Variants in KAT7 observed in about 807,000 individuals in gnomAD.
KAT7 encodes the protein histone acetyltransferase KAT7.
Under a neutral mutation model 82.1 loss-of-function variants are expected in KAT7, and 10 were observed. That is an observed-to-expected ratio of 0.12 (90% CI 0.08 to 0.21). The LOEUF (loss-of-function observed/expected upper bound fraction) is 0.21, where lower values mean the gene tolerates loss of function less well. Among genes scored for constraint, KAT7 ranks in the 10% least tolerant of loss-of-function variants. KAT7 has a pLI of 1.00. For missense variants in KAT7, 378 were observed against 760.9 expected (o/e 0.50, Z 5.92); for synonymous variants, 250 against 262.5 (o/e 0.95, Z 0.46).
chr17:49,825,385 T>A (rs1291630872), intron 12 of KAT7, among the ~76,000 whole-genome samples: 1 of 152,176 alleles, frequency 6.6e-6, no homozygotes, highest in East Asian at 1.9e-4. Context: ...GTTTCTCATC[T>A]CCCTTGTTTC....
intron 1 of KAT7, among the ~76,000 whole-genome samples, chr17:49,790,932 G>A (rs187735711): frequency 3.9e-5 from 6 of 152,252 alleles, no homozygotes; most frequent in Admixed American, 3.9e-4. Context: ...GTGCTTAATT[G>A]ATAAAAGTTA....
intron 6 of KAT7, among the ~76,000 whole-genome samples, chr17:49,810,777 T>A (rs1016889814): frequency 6.6e-6 from 1 of 152,120 alleles, no homozygotes; most frequent in African/African-American, 2.4e-5. Flanking sequence ...GAACCTATAT[T>A]TAACTGGCAG....
chr17:49,794,137 A>G (rs531304969), intron 2 of KAT7, among the ~76,000 whole-genome samples: 2 of 152,356 alleles, frequency 1.3e-5, no homozygotes, highest in South Asian at 2.1e-4. Context: ...CCTGTCCTCA[A>G]AGATCTTACA....
intron 4 of KAT7, among the ~76,000 whole-genome samples, chr17:49,803,886 ATG>A (rs2074057084): frequency 6.7e-6 from 1 of 149,912 alleles, no homozygotes. Flanking sequence ...CCCAAATTAA[ATG>A]TCTTTTTTTT....
chr17:49,807,737 A>T (rs774026493), intron 5 of KAT7, among the ~76,000 whole-genome samples: 1 of 152,176 alleles, frequency 6.6e-6, no homozygotes, highest in Non-Finnish European at 1.5e-5. Context: ...CTAGCTTTGT[A>T]TCGGCAGCAA....
At chr17:49,805,893 A>G (rs557663386) in intron 5 of KAT7, among the ~76,000 whole-genome samples, 1 of 152,318 alleles carries the variant, frequency 6.6e-6, no homozygotes, top group South Asian at 2.1e-4. Flanking sequence ...TTTCTGTGAA[A>G]TACTTTTTGT....
Position 49,806,065 on chromosome 17 carries a change from A to T in KAT7, c.663+620A>T, listed in dbSNP as rs553386235. ...GCTGTTCCCAAGGATGGAACCGAAG[A>T]TCTAATTATGGGGAAGCAAGAGTGG... On this transcript the variant is annotated intron_variant, in intron 5 of 14. Coordinates refer to ENST00000259021, the MANE Select transcript of KAT7 (RefSeq NM_007067.5). 3.3e-5 allele frequency among the ~76,000 whole-genome samples: 5 copies of T among 152,330 alleles called. No individual in the cohort carries two copies. The East Asian group carries it at 7.7e-4, about 23-fold the overall frequency.
intron 12 of KAT7, among the ~76,000 whole-genome samples, chr17:49,824,137 G>A (rs2074339101): frequency 6.6e-6 from 1 of 152,172 alleles, no homozygotes; most frequent in Non-Finnish European, 1.5e-5. Flanking sequence ...TGACCAATAT[G>A]TGACCAGAGG....
intron 7 of KAT7, among the ~76,000 whole-genome samples, chr17:49,813,940 A>G (rs1215467492): frequency 6.6e-6 from 1 of 151,292 alleles, no homozygotes; most frequent in South Asian, 2.1e-4. Context: ...GGAGTGCAGC[A>G]GTGGTGCAAT....
At chr17:49,808,188 C>G (rs889021828) in intron 5 of KAT7, among the ~76,000 whole-genome samples, 3 of 138,760 alleles carry the variant, frequency 2.2e-5, no homozygotes, top group Non-Finnish European at 3.0e-5. Context: ...TTGGTGCAAT[C>G]TCAGCTCACT....
chr17:49,790,377 A>G (rs1439085534), intron 1 of KAT7, among the ~76,000 whole-genome samples: 2 of 152,176 alleles, frequency 1.3e-5, no homozygotes, highest in South Asian at 2.1e-4. Context: ...TTGTATGTTT[A>G]ATAGAGACGG....
chr17:49,820,499 A>G (rs1210538485), intron 9 of KAT7, among the ~76,000 whole-genome samples: 1 of 152,018 alleles, frequency 6.6e-6, no homozygotes, highest in African/African-American at 2.4e-5. Flanking sequence ...GGCTGCTGTC[A>G]AACTCCTGAC....
Position 49,827,518 on chromosome 17 carries a change from C to T in KAT7, c.*16C>T, listed in dbSNP as rs758612934. ...GGGCACTTAAAGTGACCTGTCATTC[C>T]GAGCCAGCGAACCCCAGCAGTAGGA... On this transcript the variant is annotated 3_prime_UTR_variant, in exon 15 of 15. Transcript: ENST00000259021. The T allele has an allele frequency of 1.0e-5, 15 of 1,464,384 alleles. No homozygotes were observed. The highest frequency in any genetic ancestry group is 3.4e-5 in the South Asian group (3 of 87,910). 90.7% of individuals were successfully genotyped at this position (1,464,384 alleles called of 1,614,324 possible). A position where few individuals can be genotyped will look rare whatever the true frequency, so the allele number is the denominator to read the frequency against.
intron 7 of KAT7, among the ~76,000 whole-genome samples, chr17:49,812,669 G>A (rs1296020096): frequency 6.6e-6 from 1 of 152,040 alleles, no homozygotes; most frequent in African/African-American, 2.4e-5. Context: ...ACATTTTGAT[G>A]TGTGTTCTTT....
At chr17:49,811,317 G>C (rs1388882981) in intron 6 of KAT7, among the ~76,000 whole-genome samples, 159 bp from the exon 7 acceptor site, 1 of 152,002 alleles carries the variant, frequency 6.6e-6, no homozygotes, top group East Asian at 1.9e-4. Context: ...ATGTTGTCCA[G>C]GCTGGTCTTG....
Position 49,794,487 on chromosome 17 carries a change from T to C in KAT7, c.164-2263T>C, listed in dbSNP as rs187693976. Among the ~76,000 whole-genome samples the C allele has an allele frequency of 2.6e-5, 4 of 152,316 alleles. No homozygotes were observed. The East Asian group carries it at 5.8e-4, about 22-fold the overall frequency. ...TTTTAGTAGAGACAGGGTTTCACCG[T>C]GTTGTCCAGGCTTGTCTTAAACTCC... is the stretch of plus-strand genomic sequence containing the variant. On this transcript the variant is annotated intron_variant, in intron 2 of 14. Coordinates refer to ENST00000259021, the MANE Select transcript of KAT7 (RefSeq NM_007067.5).
At position 49,788,816 on chromosome 17, in the gene KAT7, C is replaced by G. The variant is rs759127466; in HGVS notation, c.-19C>G. ...CCGCCGCTGCCCGAATCGGAACCGT[C>G]GGGCCGCAGCCGCCGGCAATGCCGC... On this transcript the variant is annotated 5_prime_UTR_variant, in exon 1 of 15. Coordinates refer to ENST00000259021, the MANE Select transcript of KAT7 (RefSeq NM_007067.5). The G allele has an allele frequency of 6.3e-6, 10 of 1,581,664 alleles. No homozygotes were observed. Among genetic ancestry groups the G allele is most frequent in the Non-Finnish European group, 6.9e-6 (8 of 1,164,306 alleles).
chr17:49,811,612 TG>T, intron 7 of KAT7, 38 bp downstream of exon 7: 1 of 1,044,444 alleles, frequency 9.6e-7, no homozygotes, highest in Non-Finnish European at 1.4e-6. Context: ...CATGAACTCC[TG>T]CTATCACATT....
rs61749929 is a variant in KAT7 at position 49,826,019 on chromosome 17, C to T, written c.1500C>T (p.Val500=). 225,679 of 1,609,452 alleles carry T rather than the reference C, an allele frequency of 0.14. 20,169 individuals are homozygous for T. Among genetic ancestry groups the T allele is most frequent in the East Asian group, 0.43 (19,240 of 44,762 alleles). The change falls in exon 13 of 15, where the codon GTC becomes GTT. Residue 500 remains valine, a synonymous_variant. Transcript: ENST00000259021. ...LIDFSYLLSK[V]EEKVGSPERP... is the part of the protein sequence containing the mutation. ...TGGCAGGTTATTTGCTTTCCAAAGTCGAAGAAAAAGTTGGCTCCCCAGAAC... is the reference window on the plus strand; with the variant it reads ...TGGCAGGTTATTTGCTTTCCAAAGTTGAAGAAAAAGTTGGCTCCCCAGAAC...
Sources: gnomAD v4.1 joint callset for allele counts (sites outside exome capture counted in the v4.1 genomes callset) on GRCh38, gnomAD v4.1.1 for gene constraint, MANE v1.5 for transcripts, NCBI Gene and HGNC (gene_info 2026-07-23, HGNC 2026-07-21) for gene names.